The following PID1 variants were observed in gnomAD, a reference collection of about 807,000 sequenced individuals.
PID1 encodes the protein phosphotyrosine interaction domain containing 1, also known as PTB-containing, cubilin and LRP1-interacting protein.
PID1 carries 10 observed loss-of-function variants against 19.1 expected under a neutral mutation model. The observed-to-expected ratio is 0.52, with a 90% CI of 0.32 to 0.89. The LOEUF (loss-of-function observed/expected upper bound fraction) is 0.89, where lower values mean the gene tolerates loss of function less well. Ranked by LOEUF, PID1 falls within the 40% of genes least tolerant of loss-of-function variation. The probability of loss-of-function intolerance (pLI) is 0.03; values close to 1 mark genes in which losing one functional copy is unlikely to be tolerated. For synonymous variants in PID1, 130 were observed against 116.0 expected (o/e 1.12, Z -0.78); for missense variants, 248 against 285.3 (o/e 0.87, Z 0.94).
In PID1 at chr2:229,041,699, C is replaced by A. The variant is rs919411493; in HGVS notation, c.178-15591G>T. ...AAATTCTCAATGGACAAATCTAACA[C>A]ACCCCATCACAACTAAGTGATAAAG... On this transcript the variant is annotated intron_variant, in intron 2 of 2. Transcript: ENST00000392055. Among the ~76,000 whole-genome samples the A allele has an allele frequency of 6.6e-5, 10 of 152,292 alleles. No homozygotes were observed. In the East Asian group the frequency reaches 1.9e-3, roughly 29 times the overall value.
intron 2 of PID1, among the ~76,000 whole-genome samples, chr2:229,045,271 T>C (rs957678842): frequency 1.3e-5 from 2 of 152,248 alleles, no homozygotes; most frequent in Admixed American, 6.5e-5. Flanking sequence ...GCTAGTTTTA[T>C]GTGGAGAGTT....
chr2:229,114,634 G>T lies in PID1; in HGVS notation c.177+41184C>A, dbSNP rs73998555. 9.1e-3 allele frequency among the ~76,000 whole-genome samples: 1,389 copies of T among 151,986 alleles called. 29 individuals are homozygous for T. The highest frequency in any genetic ancestry group is 0.031 in the African/African-American group (1,292 of 41,446). ...CTCCTCCTACAAGCCTTCACTATTC[G>T]CATTGACTGTGACTCAGTTCACTTT... On this transcript the variant is annotated intron_variant, in intron 2 of 2. Coordinates refer to ENST00000392055, the MANE Select transcript of PID1 (RefSeq NM_001100818.2).
At chr2:229,253,812 G>A (rs536321395) in intron 1 of PID1, among the ~76,000 whole-genome samples, 1 of 152,238 alleles carries the variant, frequency 6.6e-6, no homozygotes, top group Admixed American at 6.5e-5. Flanking sequence ...ACATCAATTG[G>A]TTCAAGGGAA....
At chr2:229,139,047 AAGAAAG>A (rs1689933727) in intron 2 of PID1, among the ~76,000 whole-genome samples, 1 of 75,992 alleles carries the variant, frequency 1.3e-5, no homozygotes, top group Non-Finnish European at 3.0e-5. Context: ...AAGAGAAAGA[AAGAAAG>A]AAAGAGAAAG....
intron 1 of PID1, among the ~76,000 whole-genome samples, chr2:229,232,687 T>A (rs950391066): frequency 1.3e-5 from 2 of 149,828 alleles, no homozygotes; most frequent in Non-Finnish European, 3.0e-5. Context: ...TATGTATGTA[T>A]ACATACATAT....
intron 1 of PID1, among the ~76,000 whole-genome samples, chr2:229,199,590 G>A (rs990457843): frequency 6.6e-6 from 1 of 151,702 alleles, no homozygotes; most frequent in East Asian, 1.9e-4. Flanking sequence ...TGAATTAGAG[G>A]ATATTTCCTT....
intron 2 of PID1, among the ~76,000 whole-genome samples, chr2:229,054,428 G>T (rs1049902820): frequency 2.0e-5 from 3 of 152,126 alleles, no homozygotes; most frequent in Admixed American, 1.3e-4. Context: ...TTTACACTAG[G>T]TAGAATCTAT....
chr2:229,121,785 G>C (rs1012820510), intron 2 of PID1, among the ~76,000 whole-genome samples: 1 of 152,106 alleles, frequency 6.6e-6, no homozygotes, highest in Admixed American at 6.5e-5. Flanking sequence ...ACTTGATCGA[G>C]GTCTAGGGAC....
At chr2:229,127,860 T>C (rs1260188904) in intron 2 of PID1, among the ~76,000 whole-genome samples, 8 of 152,218 alleles carry the variant, frequency 5.3e-5, no homozygotes, top group Non-Finnish European at 1.2e-4. Flanking sequence ...TCTGTAGGTG[T>C]TCCTATCTGT....
intron 1 of PID1, among the ~76,000 whole-genome samples, chr2:229,220,412 T>C (rs985566231): frequency 6.6e-6 from 1 of 152,068 alleles, no homozygotes; most frequent in African/African-American, 2.4e-5. Flanking sequence ...ATGAGGAAAA[T>C]GAGTCACAGA....
At chr2:229,132,966 A>G (rs1689775924) in intron 2 of PID1, among the ~76,000 whole-genome samples, 1 of 152,222 alleles carries the variant, frequency 6.6e-6, no homozygotes, top group South Asian at 2.1e-4. Flanking sequence ...GTTGTAGCCA[A>G]TGCTTTGTGC....
intron 2 of PID1, among the ~76,000 whole-genome samples, chr2:229,033,951 G>A (rs937280655): frequency 6.6e-6 from 1 of 152,160 alleles, no homozygotes. Flanking sequence ...AGAGATTTAT[G>A]ACCTCAGCTT....
At chr2:229,171,592 A>G (rs1222008842) in intron 1 of PID1, among the ~76,000 whole-genome samples, 1 of 152,186 alleles carries the variant, frequency 6.6e-6, no homozygotes, top group East Asian at 1.9e-4. Flanking sequence ...AATAATTCAT[A>G]CTTTCATAGC....
intron 2 of PID1, among the ~76,000 whole-genome samples, chr2:229,059,381 A>T (rs761615366): frequency 6.7e-4 from 102 of 152,270 alleles, no homozygotes; most frequent in Non-Finnish European, 1.2e-3. Flanking sequence ...ATGGCAATAC[A>T]TGAAAGCATC....
intron 2 of PID1, among the ~76,000 whole-genome samples, chr2:229,042,991 G>A (rs1351157242): frequency 6.7e-6 from 1 of 148,224 alleles, no homozygotes; most frequent in African/African-American, 2.5e-5. Flanking sequence ...GAAAGAGAGA[G>A]AGAGGAGAAA....
intron 2 of PID1, among the ~76,000 whole-genome samples, chr2:229,038,566 C>A (rs1254195287): frequency 6.6e-6 from 1 of 152,110 alleles, no homozygotes; most frequent in African/African-American, 2.4e-5. Flanking sequence ...CAAAATGTAT[C>A]ATATATTTAT....
rs1025175963 is a variant in PID1 at position 229,235,701 on chromosome 2, T to C, written c.30+35313A>G. Among the ~76,000 whole-genome samples, 3 of 152,270 alleles carry C rather than the reference T, an allele frequency of 2.0e-5. No individual in the cohort carries two copies. The South Asian group carries it at 6.2e-4, about 32-fold the overall frequency. ...GAAAGGGTGAGCTCATGCAGTGACA[T>C]TGTGGTCCTATTAGTTACTTCAAAT... On this transcript the variant is annotated intron_variant, in intron 1 of 2. Transcript: ENST00000392055.
At chr2:229,129,282 C>T (rs1000813843) in intron 2 of PID1, among the ~76,000 whole-genome samples, 4 of 151,890 alleles carry the variant, frequency 2.6e-5, no homozygotes, top group Admixed American at 2.0e-4. Context: ...GGCATGGTGG[C>T]GGGCGCCTGT....
intron 2 of PID1, among the ~76,000 whole-genome samples, chr2:229,076,433 G>C (rs931510556): frequency 1.3e-5 from 2 of 151,554 alleles, no homozygotes; most frequent in East Asian, 1.9e-4. Context: ...TGGGATAACT[G>C]TGCAGAACGA....
Sources: allele counts gnomAD v4.1 joint callset (sites outside exome capture counted in the v4.1 genomes callset), GRCh38; gene constraint gnomAD v4.1.1; transcripts MANE v1.5; gene names NCBI Gene and HGNC (gene_info 2026-07-23, HGNC 2026-07-21).